Variants in CACNA1C observed in about 807,000 individuals in gnomAD.
The protein encoded by CACNA1C is calcium voltage-gated channel subunit alpha1 C, also known as voltage-dependent L-type calcium channel subunit alpha-1C.
Under a neutral mutation model 229.0 loss-of-function variants are expected in CACNA1C, and 30 were observed. The observed-to-expected ratio is 0.13, with a 90% CI of 0.10 to 0.18. CACNA1C has a LOEUF of 0.18. Ranked by LOEUF, CACNA1C falls within the 10% of genes least tolerant of loss-of-function variation. The pLI, the probability that CACNA1C is intolerant of heterozygous loss-of-function variation, is 1.00. For synonymous variants in CACNA1C, 1,114 were observed against 1,132.5 expected (o/e 0.98, Z 0.33); for missense variants, 1,658 against 2,845.0 (o/e 0.58, Z 9.49).
intron 1 of CACNA1C, among the ~76,000 whole-genome samples, chr12:2,071,625 T>C (rs549655712): frequency 1.4e-4 from 22 of 152,320 alleles, no homozygotes; most frequent in Admixed American, 1.2e-3. Context: ...ATTTTACTCT[T>C]TCTTTTAAAT....
intron 1 of CACNA1C, among the ~76,000 whole-genome samples, chr12:2,110,429 A>C (rs944603147): frequency 6.6e-6 from 1 of 152,224 alleles, no homozygotes; most frequent in Admixed American, 6.5e-5. Context: ...GCATCCGTGG[A>C]AACAGCCCAG....
intron 1 of CACNA1C, among the ~76,000 whole-genome samples, chr12:2,102,504 T>A (rs890112816): frequency 2.0e-5 from 3 of 152,182 alleles, no homozygotes; most frequent in East Asian, 3.8e-4. Flanking sequence ...CTGCACACCC[T>A]CCCTTCTCCC....
intron 1 of CACNA1C, among the ~76,000 whole-genome samples, chr12:2,100,658 A>T (rs2076045649): frequency 6.6e-6 from 1 of 151,064 alleles, no homozygotes; most frequent in African/African-American, 2.4e-5. Context: ...TTGGGAGGCT[A>T]AGGTGGGAGG....
chr12:2,651,064 G>C lies in CACNA1C; in HGVS notation c.3946-576G>C, dbSNP rs1179658892. ...GGAAAGTAGAAGGAGGTGATACAAG[G>C]AAAGTGCTGGAGTCCCAAGCAGCTG... On this transcript the variant is annotated intron_variant, in intron 31 of 46. Coordinates refer to ENST00000399655, the MANE Select transcript of CACNA1C (RefSeq NM_000719.7). This position sits in a 1 kb window ranked among gnomAD's most constrained non-coding sequence, Gnocchi z 5.4. 1.3e-5 allele frequency: 2 copies of C among 153,298 alleles called. No individual in the cohort carries two copies. The highest frequency in any genetic ancestry group is 4.8e-5 in the African/African-American group (2 of 41,480). The allele number at this position is 153,298 out of a possible 1,614,324, so 9.5% of individuals were successfully genotyped here.
At chr12:2,335,696 C>A (rs2096671061) in intron 3 of CACNA1C, among the ~76,000 whole-genome samples, 1 of 152,180 alleles carries the variant, frequency 6.6e-6, no homozygotes, top group South Asian at 2.1e-4. Context: ...TTCCTCCCTG[C>A]ACATCTGAGT....
At chr12:2,213,722 C>T (rs934830018) in intron 3 of CACNA1C, among the ~76,000 whole-genome samples, 1 of 152,190 alleles carries the variant, frequency 6.6e-6, no homozygotes, top group African/African-American at 2.4e-5. Context: ...TCCCAGGCCC[C>T]GGGCCCCGTC....
At chr12:2,451,662 G>A (rs1011601408) in intron 4 of CACNA1C, among the ~76,000 whole-genome samples, 2 of 152,150 alleles carry the variant, frequency 1.3e-5, no homozygotes, top group African/African-American at 4.8e-5. Context: ...CCTCACCTGC[G>A]GTCTGTCTGG....
intron 1 of CACNA1C, among the ~76,000 whole-genome samples, chr12:1,973,876 T>C (rs1341248780): frequency 1.3e-5 from 2 of 152,224 alleles, no homozygotes; most frequent in African/African-American, 2.4e-5. Context: ...GCCACAAATA[T>C]CATGCAGGGA....
At position 2,364,725 on chromosome 12, in the gene CACNA1C, T is replaced by C. The variant is rs151079109; in HGVS notation, c.478-84251T>C. ...AGAGTTAGTTGGGGTGAGGAAATCA[T>C]GGAGGAGAAAGACCAGTCATTTCGG... On this transcript the variant is annotated intron_variant, in intron 3 of 46. Coordinates refer to ENST00000399655, the MANE Select transcript of CACNA1C (RefSeq NM_000719.7). 2.6e-5 allele frequency among the ~76,000 whole-genome samples: 4 copies of C among 151,992 alleles called. No individual in the cohort carries two copies. The East Asian group carries it at 5.8e-4, about 22-fold the overall frequency.
chr12:2,343,835 G>A (rs138940443), intron 3 of CACNA1C, among the ~76,000 whole-genome samples: 4 of 152,338 alleles, frequency 2.6e-5, no homozygotes, highest in Non-Finnish European at 4.4e-5. Context: ...ATGGCAGACC[G>A]GAGAGGCCAA....
At chr12:2,351,860 G>A (rs1244817554) in intron 3 of CACNA1C, among the ~76,000 whole-genome samples, 1 of 152,144 alleles carries the variant, frequency 6.6e-6, no homozygotes, top group Non-Finnish European at 1.5e-5. Flanking sequence ...CGTGGGTCTG[G>A]AAATTACCCA....
At chr12:2,303,835 C>T (rs886732542) in intron 3 of CACNA1C, among the ~76,000 whole-genome samples, 16 of 152,168 alleles carry the variant, frequency 1.1e-4, no homozygotes, top group Admixed American at 3.9e-4. Context: ...CCCCTGTGGA[C>T]GGGCCTGGCC....
chr12:2,545,028 A>G (rs546656188), intron 9 of CACNA1C, among the ~76,000 whole-genome samples: 11 of 152,316 alleles, frequency 7.2e-5, no homozygotes, highest in African/African-American at 2.2e-4. Context: ...AACAGTGATC[A>G]TGACCTTTTT....
chr12:2,360,173 C>CCCCCCCCCCCCT (rs2097522720), intron 3 of CACNA1C, among the ~76,000 whole-genome samples: 1 of 113,716 alleles, frequency 8.8e-6, no homozygotes. Context: ...CCCACCCCCC[C>CCCCCCCCCCCCT]ACCCCACACA....
At chr12:2,356,898 G>A (rs1385107324) in intron 3 of CACNA1C, among the ~76,000 whole-genome samples, 1 of 152,194 alleles carries the variant, frequency 6.6e-6, no homozygotes, top group Non-Finnish European at 1.5e-5. Context: ...GGGTCACACA[G>A]CTAGTATGCA....
chr12:2,303,178 C>T lies in CACNA1C; in HGVS notation c.478-145798C>T, dbSNP rs572529662. ...TGGCTTCCGGTCACAAAAGTGCCTTCCAGGTGGGAAAATGAGTGAGGAAAC... is the reference window on the plus strand; with the variant it reads ...TGGCTTCCGGTCACAAAAGTGCCTTTCAGGTGGGAAAATGAGTGAGGAAAC... On this transcript the variant is annotated intron_variant, in intron 3 of 46. Coordinates refer to ENST00000399655, the MANE Select transcript of CACNA1C (RefSeq NM_000719.7). Among the ~76,000 whole-genome samples, 7 of 152,330 alleles carry T rather than the reference C, an allele frequency of 4.6e-5. No homozygotes were observed. The South Asian group carries it at 1.4e-3, about 32-fold the overall frequency.
At chr12:2,069,893 C>T (rs945057583) in intron 1 of CACNA1C, among the ~76,000 whole-genome samples, 2 of 152,142 alleles carry the variant, frequency 1.3e-5, no homozygotes, top group Non-Finnish European at 1.5e-5. Context: ...TAATGGCTCA[C>T]GGCAGCCTCA....
At chr12:2,443,204 A>G (rs1300249668) in intron 3 of CACNA1C, among the ~76,000 whole-genome samples, 1 of 152,220 alleles carries the variant, frequency 6.6e-6, no homozygotes, top group East Asian at 1.9e-4. Context: ...GTTACTTACA[A>G]GATACAATGG....
At chr12:1,975,988 G>A (rs916953531) in intron 1 of CACNA1C, among the ~76,000 whole-genome samples, 1 of 152,242 alleles carries the variant, frequency 6.6e-6, no homozygotes, top group African/African-American at 2.4e-5. Context: ...ACTATCTGGT[G>A]TCACAACTCA....
Sources: gnomAD v4.1 joint callset for allele counts (sites outside exome capture counted in the v4.1 genomes callset) on GRCh38, gnomAD v4.1.1 for gene constraint, Gnocchi (gnomAD v3.1) non-coding constraint, MANE v1.5 for transcripts, NCBI Gene and HGNC (gene_info 2026-07-23, HGNC 2026-07-21) for gene names.